The following GSK3B variants were observed in gnomAD, a reference collection of about 807,000 sequenced individuals.
The protein encoded by GSK3B is glycogen synthase kinase 3 beta.
GSK3B carries 15 observed loss-of-function variants against 56.4 expected under a neutral mutation model. That is an observed-to-expected ratio of 0.27 (90% CI 0.18 to 0.41). GSK3B has a LOEUF of 0.41. GSK3B is among the 10% of genes least tolerant of loss of function. The pLI, the probability that GSK3B is intolerant of heterozygous loss-of-function variation, is 1.00. For synonymous variants in GSK3B, 181 were observed against 188.9 expected (o/e 0.96, Z 0.34); for missense variants, 300 against 513.4 (o/e 0.58, Z 4.02).
At chr3:120,025,781 T>A (rs1246146078) in intron 1 of GSK3B, among the ~76,000 whole-genome samples, 1 of 152,126 alleles carries the variant, frequency 6.6e-6, no homozygotes, top group Non-Finnish European at 1.5e-5. Flanking sequence ...GGGGGACACA[T>A]GCGGCAGAGA....
At chr3:119,915,813 A>C (rs562044281) in intron 5 of GSK3B, among the ~76,000 whole-genome samples, 13 of 152,292 alleles carry the variant, frequency 8.5e-5, no homozygotes, top group Non-Finnish European at 1.5e-4. Context: ...TATTGTAAAT[A>C]TGTATTCCTA....
chr3:119,824,221 TTTA>T lies in GSK3B; in HGVS notation c.*2564_*2566del, dbSNP rs1229063395. ...CAAGCTTGAATTTGGTGAGGAGCTT[TTTA>T]TTATTATTATATACAAAAAGATATT... On this transcript the variant is annotated 3_prime_UTR_variant, in exon 11 of 11. Coordinates refer to ENST00000264235, the MANE Select transcript of GSK3B (RefSeq NM_001146156.2). 19 of 212,810 alleles carry T rather than the reference TTTA, an allele frequency of 8.9e-5. No homozygotes were observed. The highest frequency in any genetic ancestry group is 1.4e-4 in the African/African-American group (6 of 44,180). 13.2% of individuals were successfully genotyped at this position (212,810 alleles called of 1,614,324 possible). A position where few individuals can be genotyped will look rare whatever the true frequency, so the allele number is the denominator to read the frequency against.
chr3:119,889,154 C>G (rs1190812496), intron 7 of GSK3B, among the ~76,000 whole-genome samples: 1 of 152,094 alleles, frequency 6.6e-6, no homozygotes, highest in Non-Finnish European at 1.5e-5. Context: ...CATCCCCTCC[C>G]CTTTTGAAAT....
chr3:119,947,468 C>T (rs1286869664), intron 2 of GSK3B, 117 bp from the exon 3 acceptor site: 1 of 675,400 alleles, frequency 1.5e-6, no homozygotes, highest in Non-Finnish European at 2.6e-6. Context: ...AGATATGCTA[C>T]TAAAAAGTGT....
chr3:119,904,600 GAAAA>G (rs1305647321), intron 7 of GSK3B, among the ~76,000 whole-genome samples: 4 of 152,102 alleles, frequency 2.6e-5, no homozygotes, highest in Admixed American at 1.3e-4. Context: ...ACAAGGATTT[GAAAA>G]GAACTTGATC....
At chr3:119,950,067 T>A (rs544577515) in intron 2 of GSK3B, among the ~76,000 whole-genome samples, 4 of 151,816 alleles carry the variant, frequency 2.6e-5, no homozygotes, top group Non-Finnish European at 5.9e-5. Context: ...AGAAAAAAAA[T>A]TCATGAAATG....
intron 2 of GSK3B, among the ~76,000 whole-genome samples, chr3:119,962,383 A>AC (rs2107506888): frequency 2.0e-5 from 3 of 151,730 alleles, no homozygotes; most frequent in South Asian, 2.1e-4. Flanking sequence ...CTCAAAAAAA[A>AC]AAAAAAACAA....
chr3:119,823,427 C>T lies in GSK3B; in HGVS notation c.*3361G>A, dbSNP rs960997973. Reference sequence around the variant, plus strand: ...GCACTATAGCATTTTAGACCACTGACGTATCAAAACCTGATACTATTAAGA... The same window carrying T: ...GCACTATAGCATTTTAGACCACTGATGTATCAAAACCTGATACTATTAAGA... On this transcript the variant is annotated 3_prime_UTR_variant, in exon 11 of 11. Coordinates refer to ENST00000264235, the MANE Select transcript of GSK3B (RefSeq NM_001146156.2). 4.1e-5 allele frequency: 8 copies of T among 197,254 alleles called. No individual in the cohort carries two copies. Among genetic ancestry groups the T allele is most frequent in the African/African-American group, 1.6e-4 (7 of 43,418 alleles). 12.2% of individuals were successfully genotyped at this position (197,254 alleles called of 1,614,324 possible). A position where few individuals can be genotyped will look rare whatever the true frequency, so the allele number is the denominator to read the frequency against.
At chr3:120,081,999 G>A (rs2058423577) in intron 1 of GSK3B, among the ~76,000 whole-genome samples, 2 of 152,066 alleles carry the variant, frequency 1.3e-5, no homozygotes, top group South Asian at 4.1e-4. Context: ...TATTTGCATC[G>A]AAAAAATTCC....
At chr3:120,011,415 C>T (rs2057777766) in intron 1 of GSK3B, among the ~76,000 whole-genome samples, 1 of 152,156 alleles carries the variant, frequency 6.6e-6, no homozygotes, top group Non-Finnish European at 1.5e-5. Flanking sequence ...ATGTCTATCC[C>T]AGCATCATAA....
At chr3:120,015,272 A>T (rs1187292445) in intron 1 of GSK3B, among the ~76,000 whole-genome samples, 1 of 152,126 alleles carries the variant, frequency 6.6e-6, no homozygotes, top group Non-Finnish European at 1.5e-5. Flanking sequence ...CTCTTTTACC[A>T]CTCACATGTG....
chr3:119,870,214 T>C (rs185565667), intron 8 of GSK3B, among the ~76,000 whole-genome samples: 9 of 152,308 alleles, frequency 5.9e-5, no homozygotes, highest in African/African-American at 1.2e-4. Flanking sequence ...CCTACAGCCA[T>C]GTGGAACACC....
chr3:120,055,909 T>C (rs189603611), intron 1 of GSK3B, among the ~76,000 whole-genome samples: 1 of 152,324 alleles, frequency 6.6e-6, no homozygotes, highest in African/African-American at 2.4e-5. Flanking sequence ...ATTATTTACA[T>C]CAGTGGTTCT....
chr3:119,981,678 A>G (rs2057464692), intron 2 of GSK3B, among the ~76,000 whole-genome samples: 1 of 152,248 alleles, frequency 6.6e-6, no homozygotes, highest in African/African-American at 2.4e-5. Context: ...AGTAGGTAAA[A>G]AAAGTGGCCG....
At chr3:120,047,197 A>G (rs2058110652) in intron 1 of GSK3B, among the ~76,000 whole-genome samples, 1 of 152,250 alleles carries the variant, frequency 6.6e-6, no homozygotes, top group Non-Finnish European at 1.5e-5. Context: ...AAGTAAATTA[A>G]TGATAAGTAA....
intron 1 of GSK3B, among the ~76,000 whole-genome samples, chr3:120,088,938 A>G (rs759187435): frequency 2.6e-5 from 4 of 152,228 alleles, no homozygotes; most frequent in Non-Finnish European, 5.9e-5. Context: ...TGCATGTTTC[A>G]CAGCCTTCTC....
At chr3:119,837,818 A>G (rs909517289) in intron 10 of GSK3B, among the ~76,000 whole-genome samples, 1 of 150,226 alleles carries the variant, frequency 6.7e-6, no homozygotes, top group Non-Finnish European at 1.5e-5. Context: ...GGTCTCCTAA[A>G]TGGAGTGAAT....
chr3:119,875,695 T>C (rs2056304216), intron 8 of GSK3B, among the ~76,000 whole-genome samples: 1 of 152,120 alleles, frequency 6.6e-6, no homozygotes, highest in Non-Finnish European at 1.5e-5. Context: ...CTATTTTTTT[T>C]CTGTTCATAC....
chr3:119,967,833 T>C (rs1200552517), intron 2 of GSK3B, among the ~76,000 whole-genome samples: 3 of 72,886 alleles, frequency 4.1e-5, no homozygotes, highest in African/African-American at 2.0e-4. Flanking sequence ...TCTCTTTCTC[T>C]TTCTCTCTCT....
Sources: gnomAD v4.1 joint callset for allele counts (sites outside exome capture counted in the v4.1 genomes callset) on GRCh38, gnomAD v4.1.1 for gene constraint, MANE v1.5 for transcripts, NCBI Gene and HGNC (gene_info 2026-07-23, HGNC 2026-07-21) for gene names.